The following CCDC6 variants were observed in gnomAD, a reference collection of about 807,000 sequenced individuals.
The protein encoded by CCDC6 is coiled-coil domain-containing protein 6.
Under a neutral mutation model 56.6 loss-of-function variants are expected in CCDC6, and 20 were observed. The observed-to-expected ratio is 0.35, with a 90% CI of 0.25 to 0.51. The LOEUF (loss-of-function observed/expected upper bound fraction) is 0.51, where lower values mean the gene tolerates loss of function less well. CCDC6 is among the 20% of genes least tolerant of loss of function. CCDC6 has a pLI of 0.95. For synonymous variants in CCDC6, 241 were observed against 234.4 expected (o/e 1.03, Z -0.26); for missense variants, 367 against 601.1 (o/e 0.61, Z 4.07).
intron 2 of CCDC6, among the ~76,000 whole-genome samples, chr10:59,841,867 C>T (rs1336873041): frequency 6.6e-6 from 1 of 151,650 alleles, no homozygotes. Flanking sequence ...TGGGGTTTCA[C>T]CACGTTAGCC....
chr10:59,901,312 G>A (rs1394700820), intron 1 of CCDC6, among the ~76,000 whole-genome samples: 5 of 152,072 alleles, frequency 3.3e-5, no homozygotes, highest in East Asian at 3.9e-4. Context: ...CACTCTCATC[G>A]TCACATTTAT....
chr10:59,886,321 T>C (rs2071383315), intron 1 of CCDC6, among the ~76,000 whole-genome samples: 1 of 152,168 alleles, frequency 6.6e-6, no homozygotes, highest in Non-Finnish European at 1.5e-5. Flanking sequence ...ATTCAGTAAT[T>C]GATCAACTAG....
intron 2 of CCDC6, 59 bp from the exon 3 acceptor site, chr10:59,832,712 C>G: frequency 6.4e-7 from 1 of 1,568,040 alleles, no homozygotes; most frequent in African/African-American, 1.4e-5. Flanking sequence ...CATGGAAACA[C>G]TGGCTCCAAA....
Position 59,890,857 on chromosome 10 carries a change from A to T in CCDC6, c.303+15265T>A, listed in dbSNP as rs572527571. Among the ~76,000 whole-genome samples, 7 of 152,132 alleles carry T rather than the reference A, an allele frequency of 4.6e-5. 1 individual carries two copies. The highest frequency in any genetic ancestry group is 1.4e-4 in the African/African-American group (6 of 41,498). The stretch of plus-strand genomic sequence containing the variant: ...TTAACTCGTCATTTACATTAGGTAT[A>T]TCTCCTAATGCTATCCCTCCCTCCT... On this transcript the variant is annotated intron_variant, in intron 1 of 8. Transcript: ENST00000263102.
At chr10:59,880,857 T>G (rs2071328075) in intron 1 of CCDC6, among the ~76,000 whole-genome samples, 1 of 152,304 alleles carries the variant, frequency 6.6e-6, no homozygotes, top group East Asian at 1.9e-4. Context: ...GTATTTAGCC[T>G]GGTGCACAGA....
chr10:59,865,704 T>C (rs2071170981), intron 1 of CCDC6, among the ~76,000 whole-genome samples: 1 of 151,684 alleles, frequency 6.6e-6, no homozygotes, highest in East Asian at 2.0e-4. Context: ...ATACAAAAAT[T>C]AGCTGGGTGT....
In CCDC6 at chr10:59,809,079, G is replaced by T. The variant is rs55793986; in HGVS notation, c.848-2001C>A. Among the ~76,000 whole-genome samples the T allele has an allele frequency of 1.7e-3, 258 of 152,238 alleles. 1 individual carries two copies. The highest frequency in any genetic ancestry group is 3.0e-3 in the Non-Finnish European group (203 of 68,014). On this transcript the variant is annotated intron_variant, in intron 5 of 8. Transcript: ENST00000263102. ...TTAATATAAACGATTTAAATTATTT[G>T]ATCCCAAATATGCAAGCATGCAGAA... is the stretch of plus-strand genomic sequence containing the variant.
intron 1 of CCDC6, among the ~76,000 whole-genome samples, chr10:59,883,711 T>C (rs1433365578): frequency 2.0e-5 from 3 of 152,226 alleles, no homozygotes. Flanking sequence ...CTCAACTGAT[T>C]ATTTAATGAG....
intron 1 of CCDC6, 110 bp from the exon 2 acceptor site, chr10:59,852,812 T>C (rs2071050346): frequency 1.2e-6 from 1 of 836,130 alleles, no homozygotes; most frequent in South Asian, 2.4e-5. Flanking sequence ...CCATTTTAAA[T>C]AGAGCTCTAT....
chr10:59,871,331 C>T (rs1407780465), intron 1 of CCDC6, among the ~76,000 whole-genome samples: 1 of 151,852 alleles, frequency 6.6e-6, no homozygotes, highest in Non-Finnish European at 1.5e-5. Context: ...ACGAAGCACT[C>T]AAGTACGTAA....
intron 1 of CCDC6, among the ~76,000 whole-genome samples, chr10:59,888,155 T>G (rs1369676406): frequency 1.3e-5 from 2 of 152,220 alleles, no homozygotes; most frequent in Non-Finnish European, 2.9e-5. Context: ...GCTCACAGCT[T>G]CCTGTCTGGT....
At chr10:59,846,886 T>C (rs1010635125) in intron 2 of CCDC6, among the ~76,000 whole-genome samples, 70 of 152,186 alleles carry the variant, frequency 4.6e-4, no homozygotes, top group Non-Finnish European at 8.2e-4. Flanking sequence ...ACAAGCTGAG[T>C]GTGCTCCCAA....
Position 59,861,110 on chromosome 10 carries a change from T to C in CCDC6, c.304-8408A>G, listed in dbSNP as rs139550726. Among the ~76,000 whole-genome samples, 872 of 152,112 alleles carry C rather than the reference T, an allele frequency of 5.7e-3. 10 individuals are homozygous for C. Among genetic ancestry groups the C allele is most frequent in the African/African-American group, 0.02 (834 of 41,492 alleles). On this transcript the variant is annotated intron_variant, in intron 1 of 8. Coordinates refer to ENST00000263102, the MANE Select transcript of CCDC6 (RefSeq NM_005436.5). ...ACAAGAACTGCTTGAACTCGGGAAG[T>C]AGAGGTTGTAGTGAGCCAAGATCTC...
At chr10:59,837,750 A>C (rs927011340) in intron 2 of CCDC6, among the ~76,000 whole-genome samples, 7 of 141,450 alleles carry the variant, frequency 4.9e-5, no homozygotes, top group African/African-American at 1.7e-4. Context: ...CTGTCTCAAA[A>C]AAAAAAAAAA....
chr10:59,875,378 T>C (rs1564754116), intron 1 of CCDC6, among the ~76,000 whole-genome samples: 1 of 152,204 alleles, frequency 6.6e-6, no homozygotes, highest in Non-Finnish European at 1.5e-5. Context: ...ACTCAGTGAC[T>C]GAACCAGGAA....
intron 3 of CCDC6, among the ~76,000 whole-genome samples, chr10:59,826,834 G>A (rs945146965): frequency 1.3e-5 from 2 of 152,176 alleles, no homozygotes; most frequent in Non-Finnish European, 2.9e-5. Flanking sequence ...AAATGGGTAG[G>A]GCAAAGGGCA....
At chr10:59,881,066 C>G (rs2071331190) in intron 1 of CCDC6, among the ~76,000 whole-genome samples, 1 of 152,162 alleles carries the variant, frequency 6.6e-6, no homozygotes, top group African/African-American at 2.4e-5. Context: ...AGCCCTTCAG[C>G]CCCGCCCAGC....
intron 7 of CCDC6, among the ~76,000 whole-genome samples, chr10:59,800,096 T>A (rs528286792): frequency 6.6e-6 from 1 of 152,346 alleles, no homozygotes; most frequent in Admixed American, 6.5e-5. Context: ...TAGTTTACAA[T>A]TCACAAGAAA....
intron 1 of CCDC6, among the ~76,000 whole-genome samples, chr10:59,898,192 A>G (rs1430122601): frequency 3.9e-5 from 6 of 152,004 alleles, no homozygotes; most frequent in Admixed American, 1.3e-4. Flanking sequence ...GAATAGAGGG[A>G]AAAAAACCAC....
Sources: gnomAD v4.1 joint callset for allele counts (sites outside exome capture counted in the v4.1 genomes callset) on GRCh38, gnomAD v4.1.1 for gene constraint, MANE v1.5 for transcripts, NCBI Gene and HGNC (gene_info 2026-07-23, HGNC 2026-07-21) for gene names.